Variants in CEP85 observed in about 807,000 individuals in gnomAD.
CEP85 encodes the protein centrosomal protein 85.
Under a neutral mutation model 93.7 loss-of-function variants are expected in CEP85, and 58 were observed. The observed-to-expected ratio is 0.62, with a 90% CI of 0.50 to 0.77. The LOEUF is 0.77. Among genes scored for constraint, CEP85 ranks in the 30% least tolerant of loss-of-function variants. The pLI is 0.00. For synonymous variants in CEP85, 314 were observed against 338.6 expected (o/e 0.93, Z 0.80); for missense variants, 868 against 922.0 (o/e 0.94, Z 0.76).
intron 1 of CEP85, among the ~76,000 whole-genome samples, chr1:26,235,299 A>G (rs574916673): frequency 2.0e-5 from 3 of 152,202 alleles, no homozygotes; most frequent in South Asian, 4.1e-4. Flanking sequence ...GGCCTCATTT[A>G]TTTGCCCTCA....
chr1:26,270,449 G>T (rs2089957764), intron 9 of CEP85, among the ~76,000 whole-genome samples: 1 of 152,160 alleles, frequency 6.6e-6, no homozygotes, highest in Admixed American at 6.5e-5. Flanking sequence ...GAAAATAATG[G>T]TGTGTTTCAA....
intron 10 of CEP85, 96 bp downstream of exon 10, chr1:26,271,203 A>G (rs1011331651): frequency 5.6e-6 from 4 of 719,090 alleles, no homozygotes; most frequent in African/African-American, 5.3e-5. Context: ...GCTTTGGGCT[A>G]TCTAGGATTT....
At chr1:26,273,932 A>T (rs936977476) in intron 11 of CEP85, among the ~76,000 whole-genome samples, 4 of 145,816 alleles carry the variant, frequency 2.7e-5, no homozygotes, top group African/African-American at 7.5e-5. Context: ...AAATAAATAA[A>T]ATATATATAT....
chr1:26,250,954 T>C (rs937124387), intron 3 of CEP85, among the ~76,000 whole-genome samples: 3 of 119,476 alleles, frequency 2.5e-5, no homozygotes, highest in African/African-American at 6.9e-5. Flanking sequence ...TTTTTTTTTT[T>C]TTTTGAGACA....
At chr1:26,259,937 A>T (rs1458057594) in intron 7 of CEP85, 135 bp downstream of exon 7, 4 of 671,608 alleles carry the variant, frequency 6.0e-6, no homozygotes, top group Non-Finnish European at 9.8e-6. Flanking sequence ...TCTCACACAG[A>T]ATCGTCACAG....
Position 26,255,425 on chromosome 1 carries a change from A to G in CEP85, c.463A>G (p.Thr155Ala), listed in dbSNP as rs146168523. 495 of 1,614,050 alleles carry G rather than the reference A, an allele frequency of 3.1e-4. 2 individuals are homozygous for G. The highest frequency in any genetic ancestry group is 1.7e-4 in the Non-Finnish European group (199 of 1,180,038). Residue 155 changes from threonine (T) to alanine (A), a missense_variant, in exon 4 of 14, where the codon ACT becomes GCT. Physicochemically the swap from Thr to Ala is moderately conservative, Grantham distance 58. Coordinates refer to ENST00000451429, the MANE Select transcript of CEP85 (RefSeq NM_001319944.2). ...SRDLMYFSGA[T>A]GENGIEQSWF... ...AGATCTCATGTATTTCTCTGGTGCT[A>G]CTGGAGAAAATGGAATTGAGCAGTC...
chr1:26,244,425 C>T (rs527952566), intron 3 of CEP85, 107 bp downstream of exon 3: 26 of 995,436 alleles, frequency 2.6e-5, no homozygotes, highest in East Asian at 1.0e-4. Context: ...ATGTTCATAA[C>T]GTCATTCCAT....
chr1:26,256,462 C>T (rs369064120), intron 4 of CEP85, among the ~76,000 whole-genome samples: 6 of 151,778 alleles, frequency 4.0e-5, no homozygotes, highest in Non-Finnish European at 5.9e-5. Flanking sequence ...ACCTGGGAGG[C>T]GGAGGTTGCA....
chr1:26,241,113 A>G (rs762448063), intron 2 of CEP85, among the ~76,000 whole-genome samples: 6 of 152,166 alleles, frequency 3.9e-5, no homozygotes, highest in Non-Finnish European at 8.8e-5. Flanking sequence ...TTTAACTTTA[A>G]AATCTCACAG....
At chr1:26,275,236 C>G (rs2090036703) in intron 12 of CEP85, among the ~76,000 whole-genome samples, 165 bp downstream of exon 12, 1 of 151,858 alleles carries the variant, frequency 6.6e-6, no homozygotes, top group South Asian at 2.1e-4. Flanking sequence ...CTTTATATTA[C>G]AGACCCTAAG....
chr1:26,255,788 C>T lies in CEP85; in HGVS notation c.826C>T (p.Pro276Ser). The stretch of plus-strand genomic sequence containing the variant: ...GCAGCCGAGTCCTGACACTTGGCAT[C>T]CCCGAGAGCAATCTTGTGAACTCAG... ...VWQPSPDTWH[P>S]REQSCELSTC... The change falls in exon 4 of 14, where the codon CCC (proline) becomes TCC (serine). Residue 276 changes from proline to serine, a missense_variant. Coordinates refer to ENST00000451429, the MANE Select transcript of CEP85 (RefSeq NM_001319944.2). The T allele has an allele frequency of 1.9e-6, 3 of 1,614,164 alleles. No individual in the cohort carries two copies. Among genetic ancestry groups the T allele is most frequent in the Non-Finnish European group, 2.5e-6 (3 of 1,180,030 alleles).
intron 1 of CEP85, among the ~76,000 whole-genome samples, chr1:26,239,383 G>T (rs1353488301): frequency 6.6e-6 from 1 of 152,032 alleles, no homozygotes; most frequent in African/African-American, 2.4e-5. Context: ...ATGGAGTCTT[G>T]CTCAGTTGCC....
rs903455430 is a variant in CEP85 at position 26,234,276 on chromosome 1, G to C, written c.-57G>C. 8 of 152,368 alleles carry C rather than the reference G, an allele frequency of 5.3e-5. No individual in the cohort carries two copies. The highest frequency in any genetic ancestry group is 1.9e-4 in the African/African-American group (8 of 41,578). 9.4% of individuals were successfully genotyped at this position (152,368 alleles called of 1,614,324 possible). ...CGTGGTGGCTGCAGTCAGTCTTCCCGAGTGAGGGATTTCGCCGCCCGCTTT... is the reference window on the plus strand; with the variant it reads ...CGTGGTGGCTGCAGTCAGTCTTCCCCAGTGAGGGATTTCGCCGCCCGCTTT... On this transcript the variant is annotated 5_prime_UTR_variant, in exon 1 of 14. Transcript: ENST00000451429.
rs142599918 is a variant in CEP85 at position 26,239,894 on chromosome 1, A to G, written c.55+56A>G. On this transcript the variant is annotated intron_variant, in intron 2 of 13. Transcript: ENST00000451429. ...TCTGACCTTTGTTCTGTTTTTTCAT[A>G]TTCCTTAAGGTAAATATTGAACAAA... 6.2e-6 allele frequency: 8 copies of G among 1,293,486 alleles called. No homozygotes were observed. The East Asian group carries it at 6.9e-5, about 11-fold the overall frequency. The allele number at this position is 1,293,486 out of a possible 1,614,324, so 80.1% of individuals were successfully genotyped here. A position where few individuals can be genotyped will look rare whatever the true frequency, so the allele number is the denominator to read the frequency against.
chr1:26,266,124 G>T (rs896789477), intron 7 of CEP85, among the ~76,000 whole-genome samples: 1 of 151,900 alleles, frequency 6.6e-6, no homozygotes, highest in African/African-American at 2.4e-5. Flanking sequence ...CAGGAGAATC[G>T]CTTGAACCCG....
In CEP85 at chr1:26,244,200, G is replaced by A; in HGVS notation, c.90G>A (p.Gly30=). 1 of 1,613,672 alleles carries A rather than the reference G, an allele frequency of 6.2e-7. No homozygotes were observed. Among genetic ancestry groups the A allele is most frequent in the Non-Finnish European group, 8.5e-7 (1 of 1,179,972 alleles). Residue 30 remains glycine, a synonymous_variant, in exon 3 of 14, where the codon GGG becomes GGA. Transcript: ENST00000451429. ...TGATTCAGAAGGGCAGTTCCCTGGG[G>A]ACTGAATGGCAGACCCCAGTTATCT... ...SDVIQKGSSL[G]TEWQTPVISE... is the part of the protein sequence containing the mutation.
chr1:26,245,423 A>T (rs1051481628), intron 3 of CEP85, among the ~76,000 whole-genome samples: 6 of 151,668 alleles, frequency 4.0e-5, no homozygotes, highest in African/African-American at 1.2e-4. Context: ...TGCCTTTCCT[A>T]GCTATGCTGA....
intron 7 of CEP85, 114 bp from the exon 8 acceptor site, chr1:26,268,369 G>A (rs1389516010): frequency 3.4e-6 from 4 of 1,161,042 alleles, no homozygotes; most frequent in Non-Finnish European, 5.1e-6. Context: ...GAGGTAGGAG[G>A]ATCACTTGAG....
chr1:26,269,709 A>G (rs2124606494), intron 9 of CEP85, 95 bp downstream of exon 9: 2 of 996,382 alleles, frequency 2.0e-6, no homozygotes, highest in South Asian at 3.1e-5. Context: ...GTGATTTGGG[A>G]AAATCATTTT....
Sources: allele counts gnomAD v4.1 joint callset (sites outside exome capture counted in the v4.1 genomes callset), GRCh38; gene constraint gnomAD v4.1.1; transcripts MANE v1.5; gene names NCBI Gene and HGNC (gene_info 2026-07-23, HGNC 2026-07-21).